Variants in OTOA observed in about 807,000 individuals in gnomAD.
OTOA encodes the protein cancer/testis antigen 108.
OTOA carries 70 observed loss-of-function variants against 110.8 expected under a neutral mutation model. That is an observed-to-expected ratio of 0.63 (90% confidence interval 0.52 to 0.77). The LOEUF is 0.77. Among genes scored for constraint, OTOA ranks in the 30% least tolerant of loss-of-function variants. The pLI is 0.00. For synonymous variants in OTOA, 373 were observed against 431.5 expected (o/e 0.86, Z 1.68); for missense variants, 917 against 1,075.8 (o/e 0.85, Z 2.06).
At chr16:21,698,224 A>G (rs940808898) in intron 10 of OTOA, among the ~76,000 whole-genome samples, 3 of 152,188 alleles carry the variant, frequency 2.0e-5, no homozygotes, top group Non-Finnish European at 4.4e-5. Context: ...AAAGATATAA[A>G]GTTTCCCATC....
chr16:21,689,306 G>A (rs562206245), intron 8 of OTOA, among the ~76,000 whole-genome samples: 2 of 152,100 alleles, frequency 1.3e-5, no homozygotes, highest in Non-Finnish European at 2.9e-5. Flanking sequence ...TGACCTCATC[G>A]TTTCTCTAGG....
chr16:21,672,121 T>A (rs1218435834), intron 1 of OTOA, among the ~76,000 whole-genome samples: 1 of 152,120 alleles, frequency 6.6e-6, no homozygotes, highest in African/African-American at 2.4e-5. Flanking sequence ...AGAATCTAGA[T>A]ATTCTAGATA....
intron 12 of OTOA, 45 bp downstream of exon 12, chr16:21,705,337 C>T: frequency 1.9e-6 from 3 of 1,612,680 alleles, no homozygotes; most frequent in Non-Finnish European, 2.5e-6. Flanking sequence ...CTCAGTGTCA[C>T]TAGCCAGAGA....
intron 21 of OTOA, among the ~76,000 whole-genome samples, chr16:21,733,989 G>A (rs1205743385): frequency 1.3e-5 from 2 of 151,998 alleles, no homozygotes; most frequent in African/African-American, 2.4e-5. Context: ...TTGTAGAAAC[G>A]GGGTTTCACC....
At chr16:21,715,198 T>G in intron 14 of OTOA, 46 bp downstream of exon 14, 1 of 1,612,980 alleles carries the variant, frequency 6.2e-7, no homozygotes, top group Non-Finnish European at 8.5e-7. Context: ...ACAGGGGGTA[T>G]GTTTTTGGGG....
At chr16:21,727,054 T>G (rs955778948) in intron 19 of OTOA, 8 of 245,634 alleles carry the variant, frequency 3.3e-5, no homozygotes, top group Non-Finnish European at 5.5e-5. Flanking sequence ...TCTCACTCTG[T>G]CACCCAGGCT....
At chr16:21,759,045 A>T (rs2242550) in intron 28 of OTOA, among the ~76,000 whole-genome samples, 1 of 152,126 alleles carries the variant, frequency 6.6e-6, no homozygotes, top group South Asian at 2.1e-4. Flanking sequence ...TTGAAATATG[A>T]TATGCATATA....
At chr16:21,759,020 A>C (rs1029892735) in intron 28 of OTOA, among the ~76,000 whole-genome samples, 1 of 143,066 alleles carries the variant, frequency 7.0e-6, no homozygotes, top group Non-Finnish European at 1.6e-5. Flanking sequence ...AAACAGCAAC[A>C]AAAAAAACTT....
At chr16:21,719,267 GT>G in intron 16 of OTOA, 76 bp downstream of exon 16, 1 of 1,586,846 alleles carries the variant, frequency 6.3e-7, no homozygotes, top group Non-Finnish European at 8.7e-7. Context: ...ACTTTTCCAG[GT>G]GGGAGAGTTA....
intron 1 of OTOA, among the ~76,000 whole-genome samples, chr16:21,678,123 A>G (rs11860098): frequency 6.6e-6 from 1 of 151,476 alleles, no homozygotes; most frequent in Non-Finnish European, 1.5e-5. Context: ...TGACCTCAAG[A>G]GATCCACCCA....
chr16:21,708,591 G>A (rs1170907766), intron 12 of OTOA, among the ~76,000 whole-genome samples: 2 of 152,180 alleles, frequency 1.3e-5, no homozygotes, highest in Non-Finnish European at 2.9e-5. Flanking sequence ...AGCTGCCACT[G>A]TAGTCCACCC....
chr16:21,701,291 C>T (rs1898048376), intron 11 of OTOA, among the ~76,000 whole-genome samples: 1 of 152,188 alleles, frequency 6.6e-6, no homozygotes, highest in African/African-American at 2.4e-5. Context: ...AGTGCTAATT[C>T]TGTCTCTCAG....
At chr16:21,666,835 A>C (rs1378706408) in intron 1 of OTOA, among the ~76,000 whole-genome samples, 4 of 152,130 alleles carry the variant, frequency 2.6e-5, no homozygotes, top group African/African-American at 9.7e-5. Flanking sequence ...CCTTTAATGA[A>C]AACCAGATCC....
At chr16:21,684,343 C>A (rs747058537) in intron 6 of OTOA, 2 of 1,374,466 alleles carry the variant, frequency 1.5e-6, no homozygotes, top group Non-Finnish European at 9.5e-7. Context: ...GAGAACAATT[C>A]CCCAGACAGC....
At chr16:21,737,137 T>C (rs1233411474) in intron 22 of OTOA, among the ~76,000 whole-genome samples, 1 of 152,288 alleles carries the variant, frequency 6.6e-6, no homozygotes, top group African/African-American at 2.4e-5. Flanking sequence ...ATTGTGAGAA[T>C]TAATGGGTTT....
At chr16:21,750,030 C>G (rs1368076798) in intron 24 of OTOA, among the ~76,000 whole-genome samples, 1 of 152,070 alleles carries the variant, frequency 6.6e-6, no homozygotes, top group African/African-American at 2.4e-5. Context: ...GCTTGGATGC[C>G]TCCTCAGGTC....
intron 13 of OTOA, among the ~76,000 whole-genome samples, chr16:21,712,900 A>G (rs1344428788): frequency 6.6e-6 from 1 of 152,152 alleles, no homozygotes; most frequent in Non-Finnish European, 1.5e-5. Flanking sequence ...TAAGAGTTAT[A>G]GAGTAGAATC....
At chr16:21,737,915 T>C (rs1351833737) in intron 22 of OTOA, among the ~76,000 whole-genome samples, 4 of 152,306 alleles carry the variant, frequency 2.6e-5, no homozygotes, top group African/African-American at 9.6e-5. Flanking sequence ...GTGATAGTAG[T>C]TGACAGTCAG....
chr16:21,679,330 C>A (rs1966871666), intron 5 of OTOA, 119 bp downstream of exon 5: 2 of 1,151,046 alleles, frequency 1.7e-6, no homozygotes, highest in Non-Finnish European at 2.5e-6. Context: ...TCAATCAATG[C>A]ACAATGTGTT....
Sources: allele counts gnomAD v4.1 joint callset (sites outside exome capture counted in the v4.1 genomes callset), GRCh38; gene constraint gnomAD v4.1.1; transcripts MANE v1.5; gene names NCBI Gene and HGNC (gene_info 2026-07-23, HGNC 2026-07-21).